KATNA1: variants seen among roughly 807,000 people sequenced by gnomAD.
KATNA1 encodes the protein katanin catalytic subunit A1.
KATNA1 carries 42 observed loss-of-function variants against 62.6 expected under a neutral mutation model. The observed-to-expected ratio is 0.67, with a 90% confidence interval of 0.52 to 0.87. The LOEUF is 0.87. Among genes scored for constraint, KATNA1 ranks in the 40% least tolerant of loss-of-function variants. The pLI is 0.00. For synonymous variants in KATNA1, 186 were observed against 201.9 expected (o/e 0.92, Z 0.67); for missense variants, 498 against 612.5 (o/e 0.81, Z 1.97).
intron 4 of KATNA1, among the ~76,000 whole-genome samples, chr6:149,622,239 TCTC>T (rs1779428884): frequency 6.6e-6 from 1 of 152,034 alleles, no homozygotes; most frequent in Admixed American, 6.6e-5. Flanking sequence ...TTCACGCCAT[TCTC>T]CTGCCTCAGC....
intron 1 of KATNA1, among the ~76,000 whole-genome samples, chr6:149,645,172 C>A (rs188115420): frequency 3.9e-4 from 59 of 152,248 alleles, no homozygotes; most frequent in Admixed American, 1.2e-3. Flanking sequence ...GCTGGCCGCG[C>A]GCAGTGGCTC....
intron 4 of KATNA1, among the ~76,000 whole-genome samples, chr6:149,622,129 T>C (rs1022626791): frequency 2.7e-5 from 3 of 111,182 alleles, no homozygotes; most frequent in African/African-American, 1.7e-4. Flanking sequence ...CTGTGTTTTT[T>C]TTGTTTTTTT....
intron 4 of KATNA1, 27 bp downstream of exon 4, chr6:149,623,076 C>T (rs1779465542): frequency 6.7e-7 from 1 of 1,484,142 alleles, no homozygotes; most frequent in Admixed American, 2.2e-5. Context: ...AAATAACTTT[C>T]ATTTATAAAA....
intron 3 of KATNA1, among the ~76,000 whole-genome samples, chr6:149,628,393 G>A (rs1410437948): frequency 6.6e-6 from 1 of 151,628 alleles, no homozygotes; most frequent in African/African-American, 2.4e-5. Context: ...ACAGGCGTGA[G>A]CCACCGTGCC....
chr6:149,601,376 C>G (rs1315272085), intron 7 of KATNA1, among the ~76,000 whole-genome samples: 1 of 151,874 alleles, frequency 6.6e-6, no homozygotes, highest in East Asian at 1.9e-4. Context: ...GAGCATGCCC[C>G]AAAACTGGTA....
intron 8 of KATNA1, 170 bp downstream of exon 8, chr6:149,598,054 A>G (rs1438423907): frequency 6.1e-6 from 4 of 652,316 alleles, no homozygotes; most frequent in South Asian, 2.2e-5. Context: ...TACCAAATCT[A>G]TTACTATCAC....
intron 4 of KATNA1, among the ~76,000 whole-genome samples, chr6:149,610,165 T>C (rs1232216877): frequency 6.7e-6 from 1 of 149,154 alleles, no homozygotes; most frequent in East Asian, 2.0e-4. Flanking sequence ...CCAGGTGTGG[T>C]AGCACACATC....
At chr6:149,647,265 T>C (rs1311269935) in intron 1 of KATNA1, among the ~76,000 whole-genome samples, 1 of 151,882 alleles carries the variant, frequency 6.6e-6, no homozygotes, top group African/African-American at 2.4e-5. Flanking sequence ...GGCTCACGTC[T>C]GTAATCCCAA....
At chr6:149,608,665 A>G (rs966098639) in intron 4 of KATNA1, among the ~76,000 whole-genome samples, 2 of 152,190 alleles carry the variant, frequency 1.3e-5, no homozygotes, top group Non-Finnish European at 2.9e-5. Context: ...ATTCCCAAAA[A>G]TGAAATGAAC....
In KATNA1 at chr6:149,623,093, T is replaced by C; in HGVS notation, c.501+10A>G. The C allele has an allele frequency of 6.5e-7, 1 of 1,533,592 alleles. No individual in the cohort carries two copies. The highest frequency in any genetic ancestry group is 1.7e-4 in the Middle Eastern group (1 of 5,744). The allele number at this position is 1,533,592 out of a possible 1,614,324, so 95.0% of individuals were successfully genotyped here. A position where few individuals can be genotyped will look rare whatever the true frequency, so the allele number is the denominator to read the frequency against. ...ATAACTTTCATTTATAAAAATCAAT[T>C]AACATTTACCTTTTCCTCTCTTCCT... On this transcript the variant is annotated intron_variant, in intron 4 of 10. Transcript: ENST00000367411.
chr6:149,607,256 T>C (rs1778775080), intron 4 of KATNA1, among the ~76,000 whole-genome samples: 1 of 152,230 alleles, frequency 6.6e-6, no homozygotes, highest in Non-Finnish European at 1.5e-5. Flanking sequence ...AATGCTGACA[T>C]ATTTAATAGG....
In KATNA1 at chr6:149,598,367, T is replaced by C. The variant is rs867532076; in HGVS notation, c.889-17A>G. 9.9e-6 allele frequency: 16 copies of C among 1,611,144 alleles called. No homozygotes were observed. The highest frequency in any genetic ancestry group is 1.7e-4 in the Middle Eastern group (1 of 6,054). On this transcript the variant is annotated splice_polypyrimidine_tract_variant and intron_variant, in intron 7 of 10. Transcript: ENST00000367411. Reference sequence around the variant, plus strand: ...AAATCGAGCCTAAAGGAAGAAACCATGCAATATCAAGCTATTAAGCTATTA... The same window carrying C: ...AAATCGAGCCTAAAGGAAGAAACCACGCAATATCAAGCTATTAAGCTATTA...
intron 2 of KATNA1, among the ~76,000 whole-genome samples, chr6:149,633,957 CAAAT>C (rs1046643645): frequency 4.7e-5 from 7 of 149,100 alleles, no homozygotes; most frequent in East Asian, 2.0e-4. Flanking sequence ...AACTCCGGCT[CAAAT>C]AAATAAATAA....
At chr6:149,604,850 A>G in intron 4 of KATNA1, 68 bp from the exon 5 acceptor site, 2 of 1,486,240 alleles carry the variant, frequency 1.3e-6, no homozygotes, top group Non-Finnish European at 1.9e-6. Context: ...GGAAACACAG[A>G]TTGGACTCAA....
chr6:149,606,570 G>A (rs982986020), intron 4 of KATNA1, among the ~76,000 whole-genome samples: 3 of 151,352 alleles, frequency 2.0e-5, no homozygotes, highest in Non-Finnish European at 4.4e-5. Context: ...TGTGTGTATT[G>A]AGCCTCCAAT....
chr6:149,618,722 C>A (rs918256017), intron 4 of KATNA1, among the ~76,000 whole-genome samples: 1 of 152,184 alleles, frequency 6.6e-6, no homozygotes, highest in East Asian at 1.9e-4. Context: ...AGAACATACA[C>A]TGGAGCAAGT....
At chr6:149,634,914 C>T (rs1219273945) in intron 2 of KATNA1, among the ~76,000 whole-genome samples, 1 of 149,210 alleles carries the variant, frequency 6.7e-6, no homozygotes, top group African/African-American at 2.5e-5. Context: ...AATTCATATG[C>T]AACCAAGGTA....
chr6:149,635,233 C>T (rs1221812079), intron 2 of KATNA1, among the ~76,000 whole-genome samples: 2 of 152,080 alleles, frequency 1.3e-5, no homozygotes, highest in African/African-American at 4.8e-5. Flanking sequence ...GCCATGATTG[C>T]ACCACCATAC....
At chr6:149,633,952 C>T (rs902199314) in intron 2 of KATNA1, among the ~76,000 whole-genome samples, 7 of 149,188 alleles carry the variant, frequency 4.7e-5, no homozygotes, top group Non-Finnish European at 8.9e-5. Context: ...AGTGAAACTC[C>T]GGCTCAAATA....
Sources: gnomAD v4.1 joint callset for allele counts (sites outside exome capture counted in the v4.1 genomes callset) on GRCh38, gnomAD v4.1.1 for gene constraint, MANE v1.5 for transcripts, NCBI Gene and HGNC (gene_info 2026-07-23, HGNC 2026-07-21) for gene names.